The following USP10 variants were observed in gnomAD, a reference collection of about 807,000 sequenced individuals.
USP10 encodes ubiquitin carboxyl-terminal hydrolase 10.
Under a neutral mutation model 84.5 loss-of-function variants are expected in USP10, and 22 were observed. The observed-to-expected ratio is 0.26, with a 90% confidence interval of 0.19 to 0.37. The LOEUF is 0.37. Ranked by LOEUF, USP10 falls within the 10% of genes least tolerant of loss-of-function variation. The pLI is 1.00. For missense variants in USP10, 1,019 were observed against 998.9 expected (o/e 1.02, Z -0.27); for synonymous variants, 454 against 387.6 (o/e 1.17, Z -2.01).
chr16:84,704,725 C>G, intron 1 of USP10: 1 of 1,504,696 alleles, frequency 6.6e-7, no homozygotes, highest in African/African-American at 1.4e-5. Flanking sequence ...TGGCTATTTT[C>G]TGGCTATTTG....
intron 8 of USP10, 146 bp downstream of exon 8, chr16:84,760,421 A>G (rs1037231834): frequency 4.4e-6 from 3 of 678,018 alleles, no homozygotes; most frequent in Non-Finnish European, 7.6e-6. Context: ...CTTGGATGAT[A>G]TGGTGCACCA....
intron 1 of USP10, among the ~76,000 whole-genome samples, chr16:84,713,295 G>A (rs1042427778): frequency 6.6e-6 from 1 of 151,792 alleles, no homozygotes; most frequent in East Asian, 1.9e-4. Flanking sequence ...AGACAGGCTC[G>A]CCCCCTTTGT....
At chr16:84,714,555 T>C (rs1906751490) in intron 1 of USP10, among the ~76,000 whole-genome samples, 6 of 152,138 alleles carry the variant, frequency 3.9e-5, no homozygotes. Context: ...TTTTTAGATC[T>C]CAAGAGCCTT....
chr16:84,729,869 C>G (rs1029387228), intron 1 of USP10, among the ~76,000 whole-genome samples: 1 of 152,150 alleles, frequency 6.6e-6, no homozygotes, highest in Non-Finnish European at 1.5e-5. Context: ...TGTTGCATAG[C>G]TGGTAATCAG....
chr16:84,761,515 C>G (rs910324459), intron 8 of USP10, among the ~76,000 whole-genome samples: 2 of 151,548 alleles, frequency 1.3e-5, no homozygotes, highest in Non-Finnish European at 2.9e-5. Flanking sequence ...AGGAAACTTC[C>G]AGACTCCTCT....
At chr16:84,700,491 T>G (rs867466345) in intron 1 of USP10, among the ~76,000 whole-genome samples, 1 of 152,006 alleles carries the variant, frequency 6.6e-6, no homozygotes, top group Non-Finnish European at 1.5e-5. Flanking sequence ...GGGAGTCCCC[T>G]GGAGCGCAGG....
chr16:84,741,975 T>C (rs1472673014), intron 3 of USP10, among the ~76,000 whole-genome samples: 1 of 152,184 alleles, frequency 6.6e-6, no homozygotes, highest in Non-Finnish European at 1.5e-5. Context: ...TTTATTCTGC[T>C]CCCTCCCACT....
intron 1 of USP10, among the ~76,000 whole-genome samples, chr16:84,701,934 C>CTTTTTTTTTTT (rs749796171): frequency 1.1e-5 from 1 of 92,704 alleles, no homozygotes; most frequent in African/African-American, 4.5e-5. Context: ...TAATTTTCTT[C>CTTTTTTTTTTT]TTCTTTTTTT....
chr16:84,766,582 G>A (rs1913888679), intron 10 of USP10, among the ~76,000 whole-genome samples: 1 of 152,242 alleles, frequency 6.6e-6, no homozygotes, highest in African/African-American at 2.4e-5. Flanking sequence ...CGGGAACATG[G>A]TTTTTGTGCA....
At chr16:84,720,417 T>G (rs1431704178) in intron 1 of USP10, among the ~76,000 whole-genome samples, 3 of 152,098 alleles carry the variant, frequency 2.0e-5, no homozygotes, top group African/African-American at 7.2e-5. Flanking sequence ...AGTAATTGTC[T>G]TTGTGTGGAG....
At chr16:84,730,592 T>C (rs1909087682) in intron 1 of USP10, among the ~76,000 whole-genome samples, 1 of 152,202 alleles carries the variant, frequency 6.6e-6, no homozygotes, top group South Asian at 2.1e-4. Flanking sequence ...CGCTGACTCA[T>C]GCTGAAGCCA....
At chr16:84,768,910 C>G (rs1410837534) in intron 11 of USP10, among the ~76,000 whole-genome samples, 1 of 152,164 alleles carries the variant, frequency 6.6e-6, no homozygotes, top group Non-Finnish European at 1.5e-5. Context: ...TTAAGAGTAT[C>G]ACATTATAGC....
chr16:84,773,363 C>T (rs1914648562), intron 12 of USP10, among the ~76,000 whole-genome samples: 1 of 152,166 alleles, frequency 6.6e-6, no homozygotes, highest in South Asian at 2.1e-4. Context: ...GGACACTGGG[C>T]CTCACTCCTG....
chr16:84,717,951 G>A (rs529120492), intron 1 of USP10, among the ~76,000 whole-genome samples: 27 of 152,290 alleles, frequency 1.8e-4, no homozygotes, highest in African/African-American at 6.3e-4. Flanking sequence ...TCGTGATCAC[G>A]TTAGGGTATT....
At chr16:84,707,137 T>C (rs1296059369) in intron 1 of USP10, among the ~76,000 whole-genome samples, 1 of 152,206 alleles carries the variant, frequency 6.6e-6, no homozygotes, top group Non-Finnish European at 1.5e-5. Flanking sequence ...AGCAGGTGTT[T>C]TGACTTCTAA....
chr16:84,739,032 C>T (rs905271295), intron 2 of USP10, among the ~76,000 whole-genome samples: 1 of 151,856 alleles, frequency 6.6e-6, no homozygotes, highest in Non-Finnish European at 1.5e-5. Flanking sequence ...GTTTATCTCT[C>T]TGCTTACCTT....
At chr16:84,763,854 C>A (rs531199725) in intron 9 of USP10, among the ~76,000 whole-genome samples, 1 of 151,878 alleles carries the variant, frequency 6.6e-6, no homozygotes, top group Non-Finnish European at 1.5e-5. Flanking sequence ...TGCCATGGAT[C>A]CAGTGACGTT....
rs577842036 is a variant in USP10, at chr16:84,773,532, C to G, written c.2143+847C>G. 1.5e-3 allele frequency among the ~76,000 whole-genome samples: 223 copies of G among 152,296 alleles called. 4 individuals are homozygous for G. Among genetic ancestry groups the G allele is most frequent in the Non-Finnish European group, 2.0e-3 (135 of 68,014 alleles). ...TGTCTACCCTAGGGGCGCCCTATAC[C>G]TTCCCGTGAAGACTCAGACACTGTC... On this transcript the variant is annotated intron_variant, in intron 12 of 13. Coordinates refer to ENST00000219473, the MANE Select transcript of USP10 (RefSeq NM_005153.3).
intron 1 of USP10, among the ~76,000 whole-genome samples, chr16:84,709,807 T>C (rs1039961351): frequency 2.0e-5 from 3 of 152,148 alleles, no homozygotes; most frequent in African/African-American, 7.2e-5. Context: ...TGGAGGAGAC[T>C]GTGCAGAGGA....
Sources: gnomAD v4.1 joint callset for allele counts (sites outside exome capture counted in the v4.1 genomes callset) on GRCh38, gnomAD v4.1.1 for gene constraint, MANE v1.5 for transcripts, NCBI Gene and HGNC (gene_info 2026-07-23, HGNC 2026-07-21) for gene names.